The following KLHL32 variants were observed in gnomAD, a reference collection of about 807,000 sequenced individuals.
The protein encoded by KLHL32 is kelch-like protein 32.
A neutral mutation model predicts 64.8 loss-of-function variants in KLHL32; 35 were observed. That is an observed-to-expected ratio of 0.54 (90% CI 0.41 to 0.72). KLHL32 has a LOEUF of 0.72. Ranked by LOEUF, KLHL32 falls within the 30% of genes least tolerant of loss-of-function variation. The pLI, the probability that KLHL32 is intolerant of heterozygous loss-of-function variation, is 0.00. For missense variants in KLHL32, 589 were observed against 768.5 expected, an observed-to-expected ratio of 0.77 and a Z score of 2.76; for synonymous variants, 259 against 281.0, an observed-to-expected ratio of 0.92 and a Z score of 0.78.
intron 5 of KLHL32, among the ~76,000 whole-genome samples, chr6:97,068,947 G>A (rs1790252102): frequency 6.6e-6 from 1 of 152,204 alleles, no homozygotes; most frequent in African/African-American, 2.4e-5. Context: ...ACCTGCAAGA[G>A]GAGGCGTGCT....
chr6:96,908,248 G>A, the KLHL32 span, among the ~76,000 whole-genome samples: 42,783 of 152,086 alleles, frequency 0.28, 6,071 homozygotes, highest in South Asian at 0.32. Flanking sequence ...CTTATGTCAT[G>A]GTAGCCCAGG....
chr6:96,920,997 G>C (rs1385776216), upstream of KLHL32, among the ~76,000 whole-genome samples: 1 of 151,976 alleles, frequency 6.6e-6, no homozygotes, highest in Non-Finnish European at 1.5e-5. Flanking sequence ...ATATTTTTTT[G>C]ACTTGGATTC....
rs990312894 is a variant in KLHL32 at position 97,102,765 on chromosome 6, T to C, written c.628-11018T>C. Among the ~76,000 whole-genome samples, 37 of 152,308 alleles carry C rather than the reference T, an allele frequency of 2.4e-4. 1 individual carries two copies. Among genetic ancestry groups the C allele is most frequent in the Middle Eastern group, 3.4e-3 (1 of 294 alleles). ...CATTGGCAAGGGTGGTGCTGTTTTT[T>C]ATTGTCCTGTAGGACATTTTCGCCA... On this transcript the variant is annotated intron_variant, in intron 6 of 10. Transcript: ENST00000369261.
intron 7 of KLHL32, among the ~76,000 whole-genome samples, chr6:97,126,003 C>A (rs1798833395): frequency 6.6e-6 from 1 of 152,088 alleles, no homozygotes; most frequent in African/African-American, 2.4e-5. Context: ...AAAGGGAGGT[C>A]AAGGGGCCTA....
chr6:96,953,466 C>G (rs1023892473), intron 1 of KLHL32, among the ~76,000 whole-genome samples: 1 of 152,072 alleles, frequency 6.6e-6, no homozygotes, highest in South Asian at 2.1e-4. Context: ...CCTGTTTGTA[C>G]TAAAAATACA....
In KLHL32 at chr6:97,034,027, T is replaced by C. The variant is rs1273189632; in HGVS notation, c.205-7465T>C. Among the ~76,000 whole-genome samples the C allele has an allele frequency of 2.6e-5, 4 of 152,136 alleles. No individual in the cohort carries two copies. The East Asian group carries it at 7.7e-4, about 29-fold the overall frequency. ...GTTTCCTTTGGTATGCATAAGGTTT[T>C]AGTTTGATGCAAGCCCACTTATTTT... is the stretch of plus-strand genomic sequence containing the variant. On this transcript the variant is annotated intron_variant, in intron 3 of 10. Coordinates refer to ENST00000369261, the MANE Select transcript of KLHL32 (RefSeq NM_052904.4).
upstream of KLHL32, among the ~76,000 whole-genome samples, chr6:96,922,916 T>C (rs1365984100): frequency 6.6e-6 from 1 of 152,212 alleles, no homozygotes; most frequent in East Asian, 1.9e-4. Flanking sequence ...TAGGAAAATC[T>C]TGCCCTCTCT....
At chr6:97,037,157 G>A (rs1290871248) in intron 3 of KLHL32, among the ~76,000 whole-genome samples, 5 of 151,730 alleles carry the variant, frequency 3.3e-5, no homozygotes, top group Non-Finnish European at 7.4e-5. Context: ...TTTTCAAATT[G>A]TATTTAAAAT....
At chr6:96,983,765 C>T (rs1324594739) in intron 3 of KLHL32, among the ~76,000 whole-genome samples, 2 of 152,004 alleles carry the variant, frequency 1.3e-5, no homozygotes, top group East Asian at 3.9e-4. Flanking sequence ...TTTCATTCTT[C>T]TTCTTTTCTT....
intron 5 of KLHL32, among the ~76,000 whole-genome samples, chr6:97,077,880 C>T (rs529508949): frequency 2.0e-4 from 30 of 152,058 alleles, no homozygotes; most frequent in Non-Finnish European, 4.1e-4. Flanking sequence ...AAAAAGCATA[C>T]GATGCGAAAT....
At chr6:97,112,696 A>G (rs913545108) in intron 6 of KLHL32, among the ~76,000 whole-genome samples, 24 of 151,636 alleles carry the variant, frequency 1.6e-4, no homozygotes, top group African/African-American at 5.6e-4. Flanking sequence ...CTGCCTGCCT[A>G]GGCCTCCCAA....
intron 5 of KLHL32, among the ~76,000 whole-genome samples, chr6:97,072,309 A>G (rs991429956): frequency 2.0e-5 from 3 of 152,158 alleles, no homozygotes; most frequent in Non-Finnish European, 2.9e-5. Flanking sequence ...TAACTGATGA[A>G]CCTGCTTTCC....
Position 97,000,078 on chromosome 6 carries a change from A to C in KLHL32, c.204+23901A>C, listed in dbSNP as rs557429796. Among the ~76,000 whole-genome samples, 7 of 152,350 alleles carry C rather than the reference A, an allele frequency of 4.6e-5. No homozygotes were observed. In the South Asian group the frequency reaches 1.0e-3, roughly 23 times the overall value. ...AAGATGGCCAATGGGACAAAGAAGGAAAAGTCAAAGATAAAAACATAAGCA... is the reference window on the plus strand; with the variant it reads ...AAGATGGCCAATGGGACAAAGAAGGCAAAGTCAAAGATAAAAACATAAGCA... On this transcript the variant is annotated intron_variant, in intron 3 of 10. Coordinates refer to ENST00000369261, the MANE Select transcript of KLHL32 (RefSeq NM_052904.4).
chr6:96,928,981 A>G (rs529664664), intron 1 of KLHL32, among the ~76,000 whole-genome samples: 20 of 152,344 alleles, frequency 1.3e-4, no homozygotes, highest in African/African-American at 4.6e-4. Context: ...CTTTGGTGAC[A>G]GATAAATGTA....
intron 3 of KLHL32, among the ~76,000 whole-genome samples, chr6:96,987,261 G>A (rs1465961260): frequency 6.6e-6 from 1 of 152,108 alleles, no homozygotes; most frequent in African/African-American, 2.4e-5. Context: ...GCTTTTGAAT[G>A]TGTTTGCTCT....
chr6:96,912,160 T>C, the KLHL32 span, among the ~76,000 whole-genome samples: 2 of 152,056 alleles, frequency 1.3e-5, no homozygotes, highest in South Asian at 2.1e-4. Flanking sequence ...ACCTCCTCCC[T>C]AGGTGTCCAA....
At chr6:96,910,456 G>T in the KLHL32 span, among the ~76,000 whole-genome samples, 2 of 152,226 alleles carry the variant, frequency 1.3e-5, no homozygotes, top group Admixed American at 1.3e-4. Flanking sequence ...TCTAATTTGT[G>T]TTTATTATTT....
intron 3 of KLHL32, among the ~76,000 whole-genome samples, chr6:96,992,654 G>C (rs1170426284): frequency 6.6e-6 from 1 of 152,170 alleles, no homozygotes; most frequent in Non-Finnish European, 1.5e-5. Flanking sequence ...GGCATTTAAC[G>C]GTGTTTGCTG....
chr6:97,111,042 G>C (rs566514611), intron 6 of KLHL32, among the ~76,000 whole-genome samples: 1 of 151,566 alleles, frequency 6.6e-6, no homozygotes, highest in Non-Finnish European at 1.5e-5. Flanking sequence ...GGGGGGGGGG[G>C]TCTTAGCCAA....
Sources: gnomAD v4.1 joint callset for allele counts (sites outside exome capture counted in the v4.1 genomes callset) on GRCh38, gnomAD v4.1.1 for gene constraint, MANE v1.5 for transcripts, NCBI Gene and HGNC (gene_info 2026-07-23, HGNC 2026-07-21) for gene names.